The following ARHGAP24 variants were observed in gnomAD, a reference collection of about 807,000 sequenced individuals.
The protein encoded by ARHGAP24 is rho GTPase-activating protein 24.
ARHGAP24 carries 50 observed loss-of-function variants against 76.4 expected under a neutral mutation model. The ratio of observed to expected loss-of-function variants is 0.65; its 90% CI spans 0.52 to 0.83. ARHGAP24 has a LOEUF of 0.83. Among genes scored for constraint, ARHGAP24 ranks in the 40% least tolerant of loss-of-function variants. The pLI, the probability that ARHGAP24 is intolerant of heterozygous loss-of-function variation, is 0.00. For missense variants in ARHGAP24, 930 were observed against 914.2 expected, an observed-to-expected ratio of 1.02 and a Z score of -0.22; for synonymous variants, 345 against 323.3, an observed-to-expected ratio of 1.07 and a Z score of -0.72.
At chr4:85,622,150 G>T (rs1448204104) in intron 2 of ARHGAP24, among the ~76,000 whole-genome samples, 1 of 151,802 alleles carries the variant, frequency 6.6e-6, no homozygotes, top group African/African-American at 2.4e-5. Context: ...ACAACATGCA[G>T]GTTTGTTACA....
chr4:85,880,145 A>G (rs1232034887), intron 3 of ARHGAP24, among the ~76,000 whole-genome samples: 4 of 152,248 alleles, frequency 2.6e-5, no homozygotes, highest in Non-Finnish European at 5.9e-5. Flanking sequence ...GATTAACAAT[A>G]AGTGATAATA....
chr4:85,748,862 C>T (rs1332749945), intron 3 of ARHGAP24, among the ~76,000 whole-genome samples: 1 of 152,192 alleles, frequency 6.6e-6, no homozygotes. Context: ...GAACACTTTA[C>T]TTGACAGTCT....
intron 2 of ARHGAP24, among the ~76,000 whole-genome samples, chr4:85,599,847 C>A (rs1050178643): frequency 1.7e-4 from 26 of 151,966 alleles, no homozygotes; most frequent in African/African-American, 5.8e-4. Context: ...TTTTTTAAAA[C>A]AAAATAAATT....
intron 3 of ARHGAP24, among the ~76,000 whole-genome samples, chr4:85,896,382 A>G (rs974530917): frequency 6.6e-6 from 1 of 152,168 alleles, no homozygotes; most frequent in Admixed American, 6.5e-5. Context: ...CTGTGGCCAT[A>G]TCCTACCAAA....
intron 3 of ARHGAP24, among the ~76,000 whole-genome samples, chr4:85,908,852 A>G (rs1734915952): frequency 6.6e-6 from 1 of 152,098 alleles, no homozygotes; most frequent in Admixed American, 6.6e-5. Context: ...TTTCTCAGAT[A>G]ATTAAAAAGA....
intron 2 of ARHGAP24, among the ~76,000 whole-genome samples, chr4:85,618,414 G>C (rs368477437): frequency 1.1e-4 from 17 of 152,042 alleles, no homozygotes; most frequent in African/African-American, 3.4e-4. Flanking sequence ...CCATATCCTG[G>C]CTATTGTGAA....
intron 2 of ARHGAP24, among the ~76,000 whole-genome samples, chr4:85,607,856 T>C (rs1049046785): frequency 7.9e-5 from 12 of 151,114 alleles, no homozygotes; most frequent in African/African-American, 2.9e-4. Flanking sequence ...CCTCAGGTGT[T>C]GATGGGGCTC....
intron 1 of ARHGAP24, among the ~76,000 whole-genome samples, chr4:85,527,464 A>T (rs1039235807): frequency 1.3e-4 from 20 of 152,096 alleles, no homozygotes; most frequent in African/African-American, 2.4e-4. Context: ...TGATTTTTAT[A>T]AAAAAATTAC....
At chr4:85,693,520 C>T (rs532674098) in intron 2 of ARHGAP24, among the ~76,000 whole-genome samples, 1 of 152,314 alleles carries the variant, frequency 6.6e-6, no homozygotes, top group South Asian at 2.1e-4. Flanking sequence ...ATGCTACAGC[C>T]CTGGGGCACA....
intron 1 of ARHGAP24, among the ~76,000 whole-genome samples, chr4:85,484,736 C>A (rs1361041267): frequency 2.6e-5 from 4 of 152,110 alleles, no homozygotes; most frequent in Non-Finnish European, 5.9e-5. Context: ...CCTGCCGTAG[C>A]CTCCCGAGTA....
intron 3 of ARHGAP24, among the ~76,000 whole-genome samples, chr4:85,769,567 T>C (rs920474077): frequency 3.3e-5 from 5 of 152,214 alleles, no homozygotes; most frequent in African/African-American, 1.2e-4. Context: ...TAGATATTGA[T>C]AGCTTGATAT....
chr4:85,726,460 A>C (rs1392903235), intron 3 of ARHGAP24, among the ~76,000 whole-genome samples: 1 of 152,198 alleles, frequency 6.6e-6, no homozygotes, highest in Non-Finnish European at 1.5e-5. Context: ...CTGAAGTCTT[A>C]GCTGATCCAG....
chr4:85,844,954 G>C (rs2110153600), intron 3 of ARHGAP24, among the ~76,000 whole-genome samples: 2 of 152,306 alleles, frequency 1.3e-5, no homozygotes, highest in South Asian at 2.1e-4. Context: ...AAATGTCATG[G>C]TGCATGGCAC....
At chr4:85,757,494 G>C (rs896844802) in intron 3 of ARHGAP24, among the ~76,000 whole-genome samples, 2 of 151,748 alleles carry the variant, frequency 1.3e-5, no homozygotes, top group Non-Finnish European at 2.9e-5. Flanking sequence ...GCAATAGTTT[G>C]CTGAGAATGA....
At chr4:85,612,083 TACACACACAC>T (rs34030905) in intron 2 of ARHGAP24, among the ~76,000 whole-genome samples, 73,860 of 143,736 alleles carry the variant, frequency 0.51, 19,320 homozygotes, top group Non-Finnish European at 0.59. Context: ...TTCATTACAT[TACACACACAC>T]ACACACACAC....
intron 2 of ARHGAP24, among the ~76,000 whole-genome samples, chr4:85,591,326 G>A (rs749790575): frequency 6.6e-6 from 1 of 152,116 alleles, no homozygotes; most frequent in East Asian, 1.9e-4. Flanking sequence ...GATTACAGGC[G>A]TGAGCCACCA....
chr4:85,977,478 A>C (rs1364358202), intron 7 of ARHGAP24, 92 bp from the exon 8 acceptor site: 2 of 1,415,940 alleles, frequency 1.4e-6, no homozygotes, highest in Admixed American at 1.9e-5. Flanking sequence ...CTTTGAACAT[A>C]ACTTTAGTTT....
chr4:85,667,516 C>A (rs145287941), intron 2 of ARHGAP24, among the ~76,000 whole-genome samples: 226 of 152,214 alleles, frequency 1.5e-3, no homozygotes, highest in African/African-American at 5.4e-3. Flanking sequence ...TGTCCTGCAC[C>A]CACTTTCTGG....
At chr4:85,969,918 T>C (rs1188034869) in intron 5 of ARHGAP24, among the ~76,000 whole-genome samples, 1 of 152,238 alleles carries the variant, frequency 6.6e-6, no homozygotes, top group Non-Finnish European at 1.5e-5. Context: ...ACCTCTTCTA[T>C]AGTGTTTATC....
Sources: allele counts gnomAD v4.1 joint callset (sites outside exome capture counted in the v4.1 genomes callset), GRCh38; gene constraint gnomAD v4.1.1; transcripts MANE v1.5; gene names NCBI Gene and HGNC (gene_info 2026-07-23, HGNC 2026-07-21).